Variants in DNAAF11 observed in about 807,000 individuals in gnomAD.
The protein encoded by DNAAF11 is leucine rich repeat containing 6.
DNAAF11 carries 45 observed loss-of-function variants against 60.8 expected under a neutral mutation model. The observed-to-expected ratio is 0.74, with a 90% confidence interval of 0.58 to 0.95. The LOEUF is 0.95. DNAAF11 is among the 40% of genes least tolerant of loss of function. The pLI is 0.00. For missense variants in DNAAF11, 546 were observed against 546.2 expected (o/e 1.00, Z 0.00); for synonymous variants, 191 against 183.5 (o/e 1.04, Z -0.33).
chr8:132,633,615 T>G (rs1025020387), intron 4 of DNAAF11, among the ~76,000 whole-genome samples: 1 of 152,188 alleles, frequency 6.6e-6, no homozygotes, highest in Non-Finnish European at 1.5e-5. Flanking sequence ...TCCCCAAGAA[T>G]GTCCATGTTC....
the DNAAF11 span, among the ~76,000 whole-genome samples, chr8:132,693,043 C>T: frequency 2.6e-5 from 4 of 152,198 alleles, no homozygotes; most frequent in Non-Finnish European, 5.9e-5. Context: ...AACCTGGTGA[C>T]TCCAAGTCCA....
intron 1 of DNAAF11, among the ~76,000 whole-genome samples, chr8:132,672,651 C>T (rs976103013): frequency 6.6e-6 from 1 of 152,140 alleles, no homozygotes; most frequent in African/African-American, 2.4e-5. Flanking sequence ...TGTGAGAATT[C>T]AATGAGTACA....
chr8:132,645,541 C>A (rs1822293332), intron 3 of DNAAF11, among the ~76,000 whole-genome samples: 1 of 152,040 alleles, frequency 6.6e-6, no homozygotes, highest in Admixed American at 6.6e-5. Context: ...TAACAAAATT[C>A]TCTGAGCTAA....
intron 3 of DNAAF11, among the ~76,000 whole-genome samples, chr8:132,643,918 T>C (rs1202301404): frequency 6.6e-6 from 1 of 152,152 alleles, no homozygotes; most frequent in Non-Finnish European, 1.5e-5. Context: ...AAATATAAAT[T>C]GTGTAACAGA....
At chr8:132,686,610 G>T in the DNAAF11 span, among the ~76,000 whole-genome samples, 2 of 152,126 alleles carry the variant, frequency 1.3e-5, no homozygotes, top group Non-Finnish European at 2.9e-5. Context: ...AGAAGCTTCT[G>T]CAGCAGACAC....
chr8:132,606,666 T>C (rs1283869246), intron 10 of DNAAF11, among the ~76,000 whole-genome samples: 2 of 145,838 alleles, frequency 1.4e-5, no homozygotes, highest in African/African-American at 5.5e-5. Flanking sequence ...CCACAGTTCC[T>C]GGCTAATTTT....
chr8:132,571,915 T>A lies in DNAAF11; in HGVS notation c.*391A>T, dbSNP rs1814232842. 6.2e-6 allele frequency: 1 copy of A among 160,156 alleles called. No individual in the cohort carries two copies. The highest frequency in any genetic ancestry group is 2.4e-5 in the African/African-American group (1 of 41,830). 9.9% of individuals were successfully genotyped at this position (160,156 alleles called of 1,614,324 possible). The stretch of plus-strand genomic sequence containing the variant: ...TTAAAATCATATTAAAGTATTCCAA[T>A]TGGGTCTGAAATTACAGTTTTAACT... On this transcript the variant is annotated 3_prime_UTR_variant, in exon 12 of 12. Transcript: ENST00000620350.
intron 1 of DNAAF11, among the ~76,000 whole-genome samples, chr8:132,674,100 GAGGAGGAGGAGC>G (rs1586760710): frequency 7.0e-6 from 1 of 142,368 alleles, no homozygotes; most frequent in Non-Finnish European, 1.6e-5. Flanking sequence ...GGAGGAGCAG[GAGGAGGAGGAGC>G]AGGAGGAGGA....
chr8:132,693,451 G>A, the DNAAF11 span, among the ~76,000 whole-genome samples: 5 of 34,834 alleles, frequency 1.4e-4, no homozygotes, highest in African/African-American at 1.2e-3. Flanking sequence ...GTATGTGAGT[G>A]TGTGTGTGTG....
intron 3 of DNAAF11, among the ~76,000 whole-genome samples, chr8:132,638,810 T>C (rs1821569680): frequency 6.6e-6 from 1 of 152,202 alleles, no homozygotes; most frequent in African/African-American, 2.4e-5. Flanking sequence ...TATAGAAACT[T>C]GAATGGAATC....
chr8:132,609,989 A>T (rs1410013104), intron 10 of DNAAF11, among the ~76,000 whole-genome samples, 177 bp downstream of exon 10: 1 of 152,184 alleles, frequency 6.6e-6, no homozygotes, highest in Non-Finnish European at 1.5e-5. Context: ...AACACATTCC[A>T]GTCTGAGTTC....
chr8:132,605,729 T>C (rs1586558538), intron 10 of DNAAF11, among the ~76,000 whole-genome samples: 2 of 152,122 alleles, frequency 1.3e-5, no homozygotes, highest in South Asian at 4.1e-4. Flanking sequence ...GTTTTGTAAA[T>C]ATGGGTATCA....
At chr8:132,666,905 G>T (rs186550241) in intron 1 of DNAAF11, among the ~76,000 whole-genome samples, 17 of 152,310 alleles carry the variant, frequency 1.1e-4, no homozygotes, top group Admixed American at 2.6e-4. Context: ...CCTATCTTCA[G>T]CTGAGACACA....
chr8:132,575,068 C>T (rs1814599380), intron 11 of DNAAF11, among the ~76,000 whole-genome samples: 1 of 152,178 alleles, frequency 6.6e-6, no homozygotes, highest in Admixed American at 6.5e-5. Flanking sequence ...CTGCTAGGCC[C>T]TCTTTCATCT....
At chr8:132,685,203 T>TAG in the DNAAF11 span, 1 of 152,236 alleles carries the variant, frequency 6.6e-6, no homozygotes, top group South Asian at 2.1e-4. Context: ...GTTTTAGTGT[T>TAG]AGAACACCTG....
rs372754561 is a variant in DNAAF11 at position 132,658,483 on chromosome 8, T to C, written c.179-1576A>G. 7.2e-4 allele frequency among the ~76,000 whole-genome samples: 110 copies of C among 152,214 alleles called. 1 individual carries two copies. In the East Asian group the frequency reaches 0.021, roughly 28 times the overall value. On this transcript the variant is annotated intron_variant, in intron 2 of 11. Coordinates refer to ENST00000620350, the MANE Select transcript of DNAAF11 (RefSeq NM_012472.6). ...GACTACAGGCGCCCGCCACCACGCC[T>C]GGCTAATTTTTGTATTTTTAGTAGA... is the stretch of plus-strand genomic sequence containing the variant.
In DNAAF11 at chr8:132,581,716, C is replaced by T. The variant is rs114805431; in HGVS notation, c.1226+1978G>A. On this transcript the variant is annotated intron_variant, in intron 11 of 11. Transcript: ENST00000620350. The stretch of plus-strand genomic sequence containing the variant: ...AAGAAGAAGAACAAGCCTGAGGTTT[C>T]ATAATCCTGGTTCTACCACTTATCA... 8.5e-3 allele frequency among the ~76,000 whole-genome samples: 1,277 copies of T among 149,694 alleles called. 20 individuals carry two copies. Among genetic ancestry groups the T allele is most frequent in the African/African-American group, 0.03 (1,222 of 40,534 alleles).
intron 9 of DNAAF11, 38 bp downstream of exon 9, chr8:132,611,255 AG>A (rs757156694): frequency 7.0e-7 from 1 of 1,430,018 alleles, no homozygotes; most frequent in Admixed American, 1.8e-5. Context: ...TTCAAAGCTT[AG>A]CTTTTGAAAT....
chr8:132,571,003 T>C lies in DNAAF11; in HGVS notation c.*1303A>G, dbSNP rs1019127993. Among the ~76,000 whole-genome samples the C allele has an allele frequency of 6.6e-6, 1 of 152,232 alleles. No homozygotes were observed. The highest frequency in any genetic ancestry group is 2.4e-5 in the African/African-American group (1 of 41,464). On this transcript the variant is annotated 3_prime_UTR_variant, in exon 12 of 12. Coordinates refer to ENST00000620350, the MANE Select transcript of DNAAF11 (RefSeq NM_012472.6). Reference sequence around the variant, plus strand: ...CTACCTCTCCCTTCTAGAGCTTCACTACCCAGCTCTTCCCACATTTGTGCC... The same window carrying C: ...CTACCTCTCCCTTCTAGAGCTTCACCACCCAGCTCTTCCCACATTTGTGCC...
Sources: allele counts gnomAD v4.1 joint callset (sites outside exome capture counted in the v4.1 genomes callset), GRCh38; gene constraint gnomAD v4.1.1; transcripts MANE v1.5; gene names NCBI Gene and HGNC (gene_info 2026-07-23, HGNC 2026-07-21).